Variants in FAM222B observed in about 807,000 individuals in gnomAD.
The protein encoded by FAM222B is family with sequence similarity 222 member B, also known as protein FAM222B.
A neutral mutation model predicts 38.0 loss-of-function variants in FAM222B; 12 were observed. That is an observed-to-expected ratio of 0.32 (90% CI 0.20 to 0.51). The LOEUF (loss-of-function observed/expected upper bound fraction) is 0.51, where lower values mean the gene tolerates loss of function less well. FAM222B is among the 20% of genes least tolerant of loss of function. The pLI is 0.97. For synonymous variants in FAM222B, 329 were observed against 317.2 expected, an observed-to-expected ratio of 1.04 and a Z score of -0.40; for missense variants, 716 against 754.2, an observed-to-expected ratio of 0.95 and a Z score of 0.59.
At chr17:28,786,023 G>A (rs769263397) in intron 1 of FAM222B, among the ~76,000 whole-genome samples, 4 of 151,470 alleles carry the variant, frequency 2.6e-5, no homozygotes, top group Non-Finnish European at 4.4e-5. Flanking sequence ...TAGTAGAGAC[G>A]GGGTTTCACC....
At chr17:28,786,346 T>C (rs935271849) in intron 1 of FAM222B, among the ~76,000 whole-genome samples, 1 of 152,178 alleles carries the variant, frequency 6.6e-6, no homozygotes, top group African/African-American at 2.4e-5. Flanking sequence ...AAAATGACTA[T>C]ACATAGGCAA....
In FAM222B at chr17:28,813,140, A is replaced by AC. The variant is rs1292377210; in HGVS notation, c.-41+29541_-41+29542insG. Reference sequence around the variant, plus strand: ...AATCATCAGACACAAAAAAAAAAAAAACACACACATACAAAAAAAAAAAAC... The same window carrying AC: ...AATCATCAGACACAAAAAAAAAAAAACACACACACATACAAAAAAAAAAAAC... On this transcript the variant is annotated intron_variant, in intron 1 of 2. Coordinates refer to ENST00000581407, the MANE Select transcript of FAM222B (RefSeq NM_001077498.3). Among the ~76,000 whole-genome samples, 628 of 135,244 alleles carry AC rather than the reference A, an allele frequency of 4.6e-3. 2 individuals carry two copies. The highest frequency in any genetic ancestry group is 7.2e-3 in the Non-Finnish European group (447 of 62,258). 88.7% of individuals were successfully genotyped at this position (135,244 alleles called of 152,430 possible).
intron 1 of FAM222B, among the ~76,000 whole-genome samples, chr17:28,781,425 A>T (rs1344452669): frequency 6.6e-6 from 1 of 152,142 alleles, no homozygotes; most frequent in Non-Finnish European, 1.5e-5. Flanking sequence ...ACCTTTGTAC[A>T]CTGTTGATGA....
chr17:28,819,748 G>C (rs576899909), intron 1 of FAM222B, among the ~76,000 whole-genome samples: 11 of 152,272 alleles, frequency 7.2e-5, no homozygotes, highest in African/African-American at 2.6e-4. Flanking sequence ...AATGAACAAA[G>C]CTGATGATGA....
At position 28,830,260 on chromosome 17, in the gene FAM222B, T is replaced by C. The variant is rs552924129; in HGVS notation, c.-41+12422A>G. Among the ~76,000 whole-genome samples, 3 of 150,500 alleles carry C rather than the reference T, an allele frequency of 2.0e-5. No individual in the cohort carries two copies. In the South Asian group the frequency reaches 6.4e-4, roughly 32 times the overall value. On this transcript the variant is annotated intron_variant, in intron 1 of 2. Transcript: ENST00000581407. ...CACCACAAGCTCCGCCTCCCAGGTTTACGCCATTCTCCTACCTCGGCCTCC... is the reference window on the plus strand; with the variant it reads ...CACCACAAGCTCCGCCTCCCAGGTTCACGCCATTCTCCTACCTCGGCCTCC...
chr17:28,845,406 A>AAAAAATAC (rs2039138496), upstream of FAM222B, among the ~76,000 whole-genome samples: 1 of 151,004 alleles, frequency 6.6e-6, no homozygotes, highest in South Asian at 2.1e-4. Flanking sequence ...TCTCAAAAAA[A>AAAAAATAC]AAAAATACAA....
upstream of FAM222B, among the ~76,000 whole-genome samples, chr17:28,846,456 G>A (rs1336448647): frequency 6.6e-6 from 1 of 151,910 alleles, no homozygotes; most frequent in Non-Finnish European, 1.5e-5. Flanking sequence ...TGGAGTAGGC[G>A]GAGTTTGAGA....
rs34396988 is a variant in FAM222B, at chr17:28,786,894, ATTTTTTTT to A, written c.-40-20195_-40-20188del. Among the ~76,000 whole-genome samples the A allele has an allele frequency of 5.3e-3, 383 of 72,034 alleles. 1 individual carries two copies. The highest frequency in any genetic ancestry group is 7.9e-3 in the Admixed American group (41 of 5,222). 47.3% of individuals were successfully genotyped at this position (72,034 alleles called of 152,430 possible). A position where few individuals can be genotyped will look rare whatever the true frequency, so the allele number is the denominator to read the frequency against. The stretch of plus-strand genomic sequence containing the variant: ...TAGCTAACACACTGCCCTTCACTGT[ATTTTTTTT>A]TTTTTTTTTTTTTTTTTTTTGAGAC... On this transcript the variant is annotated intron_variant, in intron 1 of 2. Coordinates refer to ENST00000581407, the MANE Select transcript of FAM222B (RefSeq NM_001077498.3).
At chr17:28,811,950 G>A (rs368549855) in intron 1 of FAM222B, among the ~76,000 whole-genome samples, 369 of 152,108 alleles carry the variant, frequency 2.4e-3, no homozygotes, top group African/African-American at 8.8e-3. Flanking sequence ...ACACAAAAAA[G>A]GGCTCCTCTT....
At chr17:28,772,640 T>C (rs11868147) in intron 1 of FAM222B, among the ~76,000 whole-genome samples, 4 of 150,486 alleles carry the variant, frequency 2.7e-5, no homozygotes, top group African/African-American at 9.8e-5. Flanking sequence ...CTCATGTCTA[T>C]AATCCCAGCA....
chr17:28,833,376 G>C (rs1840263651), intron 1 of FAM222B, among the ~76,000 whole-genome samples: 2 of 151,442 alleles, frequency 1.3e-5, no homozygotes, highest in African/African-American at 4.9e-5. Context: ...CAGTATTTTG[G>C]GAGGCCGAAG....
chr17:28,803,210 G>A (rs954736330), intron 1 of FAM222B, among the ~76,000 whole-genome samples: 1 of 152,000 alleles, frequency 6.6e-6, no homozygotes, highest in Non-Finnish European at 1.5e-5. Context: ...GTTTCACCAG[G>A]TTGGCCAGGC....
intron 1 of FAM222B, among the ~76,000 whole-genome samples, chr17:28,848,312 G>A (rs974249106): frequency 1.3e-5 from 2 of 152,142 alleles, no homozygotes; most frequent in African/African-American, 4.8e-5. Flanking sequence ...CGCTGATTGA[G>A]TTGGTTCCGA....
At chr17:28,820,852 G>A (rs1242704954) in intron 1 of FAM222B, among the ~76,000 whole-genome samples, 1 of 151,788 alleles carries the variant, frequency 6.6e-6, no homozygotes. Flanking sequence ...TGGCCAGGCT[G>A]GTTTCAAACT....
chr17:28,775,467 A>G (rs1302418524), intron 1 of FAM222B, among the ~76,000 whole-genome samples: 2 of 151,860 alleles, frequency 1.3e-5, no homozygotes, highest in Non-Finnish European at 2.9e-5. Flanking sequence ...CCTTCAAAAA[A>G]AAAAAAAAAC....
At chr17:28,841,592 T>A (rs904803170) in intron 1 of FAM222B, among the ~76,000 whole-genome samples, 5 of 152,052 alleles carry the variant, frequency 3.3e-5, no homozygotes, top group Non-Finnish European at 7.4e-5. Flanking sequence ...GCTAGGCTGG[T>A]CTCCAACTTC....
chr17:28,790,143 T>C (rs1018702533), intron 1 of FAM222B, among the ~76,000 whole-genome samples: 2 of 152,112 alleles, frequency 1.3e-5, no homozygotes, highest in African/African-American at 2.4e-5. Context: ...AAATAAATAA[T>C]AAAAGATGAT....
chr17:28,807,348 G>C (rs936018716), intron 1 of FAM222B, among the ~76,000 whole-genome samples: 42 of 151,686 alleles, frequency 2.8e-4, no homozygotes, highest in African/African-American at 9.9e-4. Context: ...ATGATTCTTG[G>C]GCTGAAGAAA....
intron 1 of FAM222B, among the ~76,000 whole-genome samples, chr17:28,784,614 G>A (rs568184622): frequency 5.9e-4 from 90 of 151,308 alleles, no homozygotes; most frequent in African/African-American, 2.0e-3. Flanking sequence ...TGAGGTGGGC[G>A]GATCAGGAGA....
Sources: allele counts gnomAD v4.1 joint callset (sites outside exome capture counted in the v4.1 genomes callset), GRCh38; gene constraint gnomAD v4.1.1; transcripts MANE v1.5; gene names NCBI Gene and HGNC (gene_info 2026-07-23, HGNC 2026-07-21).